Variants in FIG4 observed in about 807,000 individuals in gnomAD.
The protein encoded by FIG4 is FIG4 phosphoinositide 5-phosphatase, also known as polyphosphoinositide phosphatase.
FIG4 carries 112 observed loss-of-function variants against 118.6 expected under a neutral mutation model. The observed-to-expected ratio is 0.94, with a 90% CI of 0.81 to 1.11. The LOEUF is 1.11. Among genes scored for constraint, FIG4 ranks in the 50% least tolerant of loss-of-function variants. The pLI, the probability that FIG4 is intolerant of heterozygous loss-of-function variation, is 0.00. For synonymous variants in FIG4, 369 were observed against 381.2 expected (o/e 0.97, Z 0.37); for missense variants, 969 against 1,111.7 (o/e 0.87, Z 1.83).
chr6:109,726,635 T>C (rs1436824961), intron 3 of FIG4, among the ~76,000 whole-genome samples: 2 of 152,242 alleles, frequency 1.3e-5, no homozygotes, highest in Non-Finnish European at 2.9e-5. Flanking sequence ...TTTTTTCTAA[T>C]TCTGCAAAGA....
intron 22 of FIG4, among the ~76,000 whole-genome samples, chr6:109,824,876 A>G (rs543120086): frequency 6.6e-6 from 1 of 152,300 alleles, no homozygotes; most frequent in Non-Finnish European, 1.5e-5. Context: ...CTATGCAATC[A>G]GGTGAGGCTC....
intron 15 of FIG4, among the ~76,000 whole-genome samples, chr6:109,771,051 G>A (rs1777443358): frequency 6.6e-6 from 1 of 152,212 alleles, no homozygotes; most frequent in Non-Finnish European, 1.5e-5. Flanking sequence ...AGAATAGTGA[G>A]ATAGCCTTCT....
intron 10 of FIG4, among the ~76,000 whole-genome samples, chr6:109,751,243 T>C (rs570239947): frequency 1.3e-5 from 2 of 152,326 alleles, no homozygotes; most frequent in Admixed American, 6.5e-5. Flanking sequence ...AATGGCAAAT[T>C]TTTATAAGTT....
chr6:109,762,658 G>A (rs1777148184), intron 12 of FIG4, among the ~76,000 whole-genome samples: 2 of 151,162 alleles, frequency 1.3e-5, no homozygotes, highest in Admixed American at 1.3e-4. Flanking sequence ...CCAATACTAT[G>A]TATTTATGGC....
intron 1 of FIG4, among the ~76,000 whole-genome samples, chr6:109,697,889 AT>A (rs59597626): frequency 0.67 from 98,077 of 146,240 alleles, 32,768 homozygotes; most frequent in Non-Finnish European, 0.72. Context: ...CCATTGATCA[AT>A]TTTTTTTTTT....
At chr6:109,753,667 T>A (rs1484241082) in intron 10 of FIG4, among the ~76,000 whole-genome samples, 1 of 152,164 alleles carries the variant, frequency 6.6e-6, no homozygotes, top group Non-Finnish European at 1.5e-5. Flanking sequence ...ACATCCCTTG[T>A]AAGTTGGATT....
In FIG4 at chr6:109,764,928, T is replaced by TTTGTTTTTG. The variant is rs2128392167; in HGVS notation, c.1435-79_1435-78insTTGTTGTTT. ...TTTTGTTTTTGTTTTTGTTTTTGTT[T>TTTGTTTTTG]TTGTTTCTTAAAGAAATCTAAAGTA... On this transcript the variant is annotated intron_variant, in intron 13 of 22. Coordinates refer to ENST00000230124, the MANE Select transcript of FIG4 (RefSeq NM_014845.6). The TTTGTTTTTG allele has an allele frequency of 3.1e-6, 4 of 1,309,504 alleles. No homozygotes were observed. The East Asian group carries it at 9.2e-5, about 30-fold the overall frequency. 81.1% of individuals were successfully genotyped at this position (1,309,504 alleles called of 1,614,324 possible).
intron 21 of FIG4, among the ~76,000 whole-genome samples, chr6:109,795,918 G>C (rs1480117662): frequency 6.6e-6 from 1 of 152,120 alleles, no homozygotes; most frequent in East Asian, 1.9e-4. Flanking sequence ...CAGTTCTTCA[G>C]ACCTGCCCTG....
chr6:109,763,331 G>A (rs12190372), intron 12 of FIG4, among the ~76,000 whole-genome samples: 49,490 of 152,080 alleles, frequency 0.33, 8,591 homozygotes, highest in South Asian at 0.45. Flanking sequence ...ATAGCAGTTA[G>A]GCCTGTTAGG....
At chr6:109,707,313 GTATA>G (rs957271367) in intron 1 of FIG4, among the ~76,000 whole-genome samples, 1 of 145,656 alleles carries the variant, frequency 6.9e-6, no homozygotes, top group African/African-American at 2.6e-5. Flanking sequence ...GTGTGTATGT[GTATA>G]TATATATGTA....
intron 3 of FIG4, among the ~76,000 whole-genome samples, chr6:109,720,773 C>T (rs952960306): frequency 1.3e-5 from 2 of 152,176 alleles, no homozygotes; most frequent in Non-Finnish European, 2.9e-5. Context: ...GGTCCCTAGG[C>T]CATGTTTTGA....
intron 1 of FIG4, among the ~76,000 whole-genome samples, chr6:109,708,027 T>C (rs1044651780): frequency 3.3e-5 from 5 of 151,400 alleles, no homozygotes; most frequent in African/African-American, 7.3e-5. Flanking sequence ...TTGGGATACA[T>C]GTGCAGGTTT....
chr6:109,707,890 G>C (rs1011820552), intron 1 of FIG4, among the ~76,000 whole-genome samples: 3 of 151,516 alleles, frequency 2.0e-5, no homozygotes, highest in Admixed American at 6.6e-5. Flanking sequence ...TTATTTTTTA[G>C]ATATAATTTT....
intron 6 of FIG4, among the ~76,000 whole-genome samples, chr6:109,737,067 A>G (rs2128385961): frequency 6.6e-6 from 1 of 152,254 alleles, no homozygotes; most frequent in East Asian, 1.9e-4. Flanking sequence ...CAAGGTCCTG[A>G]TTAGGAACCT....
At chr6:109,773,285 C>A (rs1777519914) in intron 15 of FIG4, among the ~76,000 whole-genome samples, 2 of 152,106 alleles carry the variant, frequency 1.3e-5, no homozygotes, top group South Asian at 4.1e-4. Context: ...ATTACATCTG[C>A]AAAGTCCTTT....
At position 109,813,807 on chromosome 6, in the gene FIG4, A is replaced by T. The variant is rs189509093; in HGVS notation, c.2547-11281A>T. Among the ~76,000 whole-genome samples the T allele has an allele frequency of 9.7e-4, 147 of 152,302 alleles. 1 individual carries two copies. The highest frequency in any genetic ancestry group is 3.4e-3 in the African/African-American group (143 of 41,568). ...TTCCATGTTGTGAGCAGCCATATGGATAGGCCCATAAGGAACTGATGTGTC... is the reference window on the plus strand; with the variant it reads ...TTCCATGTTGTGAGCAGCCATATGGTTAGGCCCATAAGGAACTGATGTGTC... On this transcript the variant is annotated intron_variant, in intron 22 of 22. Transcript: ENST00000230124.
chr6:109,773,939 G>T (rs1279984784), intron 15 of FIG4, among the ~76,000 whole-genome samples: 1 of 152,046 alleles, frequency 6.6e-6, no homozygotes, highest in Non-Finnish European at 1.5e-5. Context: ...CTTCCAAGTA[G>T]CTGGGACTAT....
intron 10 of FIG4, among the ~76,000 whole-genome samples, chr6:109,745,094 A>G (rs538975642): frequency 5.6e-4 from 85 of 152,260 alleles, no homozygotes; most frequent in Non-Finnish European, 9.4e-4. Flanking sequence ...TAGTGCTGCA[A>G]TAAACATATA....
At chr6:109,784,073 T>G (rs1360660777) in intron 16 of FIG4, among the ~76,000 whole-genome samples, 2 of 152,156 alleles carry the variant, frequency 1.3e-5, no homozygotes, top group East Asian at 3.9e-4. Context: ...CAGCTTTATA[T>G]TTTTAGAAAG....
Sources: allele counts gnomAD v4.1 joint callset (sites outside exome capture counted in the v4.1 genomes callset), GRCh38; gene constraint gnomAD v4.1.1; transcripts MANE v1.5; gene names NCBI Gene and HGNC (gene_info 2026-07-23, HGNC 2026-07-21).